The following LIPC variants were observed in gnomAD, a reference collection of about 807,000 sequenced individuals.
LIPC encodes hepatic triacylglycerol lipase.
A neutral mutation model predicts 50.7 loss-of-function variants in LIPC; 44 were observed. The ratio of observed to expected loss-of-function variants is 0.87; its 90% CI spans 0.68 to 1.11. The LOEUF (loss-of-function observed/expected upper bound fraction) is 1.11, where lower values mean the gene tolerates loss of function less well. LIPC is among the 50% of genes most tolerant of loss of function. The probability of loss-of-function intolerance (pLI) is 0.00; values close to 1 mark genes in which losing one functional copy is unlikely to be tolerated. For missense variants in LIPC, 697 were observed against 648.2 expected (o/e 1.08, Z -0.82); for synonymous variants, 271 against 256.4 (o/e 1.06, Z -0.54).
chr15:58,555,613 C>T (rs1566950161), intron 6 of LIPC, among the ~76,000 whole-genome samples: 2 of 152,178 alleles, frequency 1.3e-5, no homozygotes, highest in African/African-American at 2.4e-5. Context: ...AACACTGTGT[C>T]GGTCTAGGTC....
intron 1 of LIPC, among the ~76,000 whole-genome samples, chr15:58,486,079 G>A (rs1434824439): frequency 6.6e-6 from 1 of 152,200 alleles, no homozygotes; most frequent in South Asian, 2.1e-4. Flanking sequence ...AAAGCTGTGT[G>A]TCTCTACCAT....
At chr15:58,516,231 T>C (rs1250731550) in intron 1 of LIPC, among the ~76,000 whole-genome samples, 1 of 141,956 alleles carries the variant, frequency 7.0e-6, no homozygotes, top group African/African-American at 2.6e-5. Context: ...TTTTTACCTC[T>C]AGCTTCTTTT....
chr15:58,443,476 C>T (rs1318726328), intron 1 of LIPC, among the ~76,000 whole-genome samples: 2 of 152,224 alleles, frequency 1.3e-5, no homozygotes, highest in African/African-American at 4.8e-5. Flanking sequence ...AGGCACAGCC[C>T]TGTGATGTCA....
intron 1 of LIPC, among the ~76,000 whole-genome samples, chr15:58,465,425 G>A (rs1325523721): frequency 6.6e-6 from 1 of 152,176 alleles, no homozygotes; most frequent in African/African-American, 2.4e-5. Flanking sequence ...TTAGAAAAGA[G>A]TTCCATTAAA....
rs143918100 is a variant in LIPC at position 58,468,564 on chromosome 15, T to C, written c.88+36444T>C. On this transcript the variant is annotated intron_variant, in intron 1 of 8. Transcript: ENST00000299022. Reference sequence around the variant, plus strand: ...GAGATGGATGGTCCACAAATCTCAATGTGATTCCTAACATGAGTTAAGCTG... The same window carrying C: ...GAGATGGATGGTCCACAAATCTCAACGTGATTCCTAACATGAGTTAAGCTG... Among the ~76,000 whole-genome samples, 66 of 152,298 alleles carry C rather than the reference T, an allele frequency of 4.3e-4. 1 individual carries two copies. Among genetic ancestry groups the C allele is most frequent in the African/African-American group, 1.3e-3 (52 of 41,566 alleles).
intron 2 of LIPC, among the ~76,000 whole-genome samples, chr15:58,539,592 G>T (rs1392721398): frequency 1.3e-5 from 2 of 152,026 alleles, no homozygotes; most frequent in Non-Finnish European, 2.9e-5. Context: ...TCTACTTCAT[G>T]ACTTAGAAAC....
chr15:58,474,605 G>T (rs1890927795), intron 1 of LIPC, among the ~76,000 whole-genome samples: 1 of 152,078 alleles, frequency 6.6e-6, no homozygotes. Context: ...ATTTTGTAGA[G>T]GAGGAAACAA....
At chr15:58,542,369 G>A (rs1257223272) in intron 3 of LIPC, among the ~76,000 whole-genome samples, 165 bp from the exon 4 acceptor site, 2 of 152,172 alleles carry the variant, frequency 1.3e-5, no homozygotes, top group Non-Finnish European at 2.9e-5. Flanking sequence ...CTGAGTCCCA[G>A]GAGAGTCAGC....
intron 1 of LIPC, among the ~76,000 whole-genome samples, chr15:58,452,300 C>G (rs1893930286): frequency 6.6e-6 from 1 of 152,196 alleles, no homozygotes; most frequent in African/African-American, 2.4e-5. Context: ...CTGGGTGATT[C>G]TGAAACAGGC....
intron 1 of LIPC, among the ~76,000 whole-genome samples, chr15:58,458,075 G>C (rs1894200831): frequency 6.6e-6 from 1 of 152,020 alleles, no homozygotes. Context: ...AATGGCAAAA[G>C]TCCTTGCTGT....
chr15:58,476,874 A>C (rs1260340125), intron 1 of LIPC, among the ~76,000 whole-genome samples: 1 of 152,200 alleles, frequency 6.6e-6, no homozygotes, highest in African/African-American at 2.4e-5. Context: ...GCTCAGAGGA[A>C]AGCTAGTTTT....
chr15:58,510,520 A>G (rs1171774320), intron 1 of LIPC, among the ~76,000 whole-genome samples: 1 of 152,248 alleles, frequency 6.6e-6, no homozygotes, highest in Non-Finnish European at 1.5e-5. Context: ...AAAGTGTTTT[A>G]TGAAATGTAA....
At chr15:58,432,578 T>C (rs1305663909) in intron 1 of LIPC, among the ~76,000 whole-genome samples, 1 of 152,198 alleles carries the variant, frequency 6.6e-6, no homozygotes, top group Non-Finnish European at 1.5e-5. Context: ...TCCAGTCAGG[T>C]CTAAAGTAGA....
At chr15:58,452,446 A>C (rs1447137334) in intron 1 of LIPC, among the ~76,000 whole-genome samples, 1 of 152,338 alleles carries the variant, frequency 6.6e-6, no homozygotes, top group Admixed American at 6.5e-5. Context: ...TGTGAACGTG[A>C]AACAGTTTTC....
intron 8 of LIPC, among the ~76,000 whole-genome samples, chr15:58,566,916 G>C (rs1473288666): frequency 1.3e-5 from 2 of 152,176 alleles, no homozygotes; most frequent in Non-Finnish European, 1.5e-5. Context: ...ATTAGTGAGA[G>C]TGTAAATTAC....
intron 8 of LIPC, chr15:58,566,188 A>C (rs1358978014): frequency 3.0e-6 from 3 of 985,324 alleles, no homozygotes; most frequent in Non-Finnish European, 3.6e-6. Context: ...GTGAGAGTCC[A>C]GCATTACACA....
chr15:58,563,646 C>G lies in LIPC; in HGVS notation c.1311C>G (p.Ile437Met), dbSNP rs1193316604. Residue 437 changes from isoleucine to methionine, a missense_variant, in exon 8 of 9, where the codon ATC becomes ATG. Coordinates refer to ENST00000299022, the MANE Select transcript of LIPC (RefSeq NM_000236.3). ...TCTGGGACACGGTCCAGACCATCAT[C>G]CCATGGAGCACAGGGCCGCGCCACT... The part of the protein sequence containing the change: ...ANVWDTVQTI[I>M]PWSTGPRHSG... 6.2e-7 allele frequency: 1 copy of G among 1,614,074 alleles called. No individual in the cohort carries two copies. Among genetic ancestry groups the G allele is most frequent in the African/African-American group, 1.3e-5 (1 of 74,932 alleles).
At chr15:58,559,452 T>C (rs1273195787) in intron 6 of LIPC, among the ~76,000 whole-genome samples, 2 of 152,200 alleles carry the variant, frequency 1.3e-5, no homozygotes, top group Non-Finnish European at 2.9e-5. Context: ...CCTTATCCTT[T>C]TCCCAAACCA....
intron 1 of LIPC, among the ~76,000 whole-genome samples, chr15:58,537,539 C>T (rs1346705397): frequency 6.6e-6 from 1 of 152,202 alleles, no homozygotes; most frequent in Non-Finnish European, 1.5e-5. Flanking sequence ...CTTCAGCATC[C>T]CAGGGCCCTC....
Sources: gnomAD v4.1 joint callset for allele counts (sites outside exome capture counted in the v4.1 genomes callset) on GRCh38, gnomAD v4.1.1 for gene constraint, MANE v1.5 for transcripts, NCBI Gene and HGNC (gene_info 2026-07-23, HGNC 2026-07-21) for gene names.